Variants in MYO18B observed in about 807,000 individuals in gnomAD.
The protein encoded by MYO18B is unconventional myosin-XVIIIb.
A neutral mutation model predicts 273.0 loss-of-function variants in MYO18B; 204 were observed. That is an observed-to-expected ratio of 0.75 (90% CI 0.67 to 0.84). The LOEUF is 0.84. Ranked by LOEUF, MYO18B falls within the 40% of genes least tolerant of loss-of-function variation. The pLI is 0.00. For missense variants in MYO18B, 3,212 were observed against 3,287.6 expected (o/e 0.98, Z 0.56); for synonymous variants, 1,330 against 1,305.7 (o/e 1.02, Z -0.40).
In MYO18B at chr22:26,026,565, C is replaced by G; in HGVS notation, c.6591C>G (p.Val2197=). 6.2e-7 allele frequency: 1 copy of G among 1,613,942 alleles called. No homozygotes were observed. The highest frequency in any genetic ancestry group is 8.5e-7 in the Non-Finnish European group (1 of 1,179,886). Residue 2197 remains valine (V), a synonymous_variant, in exon 43 of 44, where the codon GTC becomes GTG. Transcript: ENST00000335473. The stretch of plus-strand genomic sequence containing the variant: ...ACAAGCCTGTTTCTCCCCACTTTGT[C>G]CGCCGGCAAAAGTACTGTCATTTTG... ...SGDKPVSPHF[V]RRQKYCHFGD...
chr22:26,024,225 T>A (rs1936068371), intron 42 of MYO18B, among the ~76,000 whole-genome samples: 1 of 152,244 alleles, frequency 6.6e-6, no homozygotes, highest in African/African-American at 2.4e-5. Flanking sequence ...CCATTTATTA[T>A]TGGTTATAAA....
At chr22:25,885,934 C>T (rs763868403) in intron 25 of MYO18B, among the ~76,000 whole-genome samples, 6 of 152,218 alleles carry the variant, frequency 3.9e-5, no homozygotes, top group Non-Finnish European at 7.3e-5. Context: ...CCCATTCCCA[C>T]TGACATCCAG....
At chr22:25,892,411 G>T (rs1014742143) in intron 27 of MYO18B, 1 of 152,226 alleles carries the variant, frequency 6.6e-6, no homozygotes, top group African/African-American at 2.4e-5. Context: ...AGTAGTGCCA[G>T]GAGTTTCTGG....
At chr22:25,969,236 A>T (rs2093010319) in intron 39 of MYO18B, among the ~76,000 whole-genome samples, 1 of 152,204 alleles carries the variant, frequency 6.6e-6, no homozygotes, top group Non-Finnish European at 1.5e-5. Flanking sequence ...TCCCTTGCTT[A>T]TCTCACCTGG....
intron 22 of MYO18B, among the ~76,000 whole-genome samples, chr22:25,869,655 G>A (rs1410462526): frequency 2.0e-5 from 3 of 152,042 alleles, no homozygotes; most frequent in Non-Finnish European, 2.9e-5. Flanking sequence ...GGAGGGTTCT[G>A]CTCTCCAGGA....
chr22:25,914,519 T>C, intron 33 of MYO18B, among the ~76,000 whole-genome samples: 1 of 151,988 alleles, frequency 6.6e-6, no homozygotes, highest in East Asian at 1.9e-4. Flanking sequence ...TCTATCTATA[T>C]TTCAACTAGT....
Position 25,766,450 on chromosome 22 carries a change from C to T in MYO18B, c.199-1665C>T, listed in dbSNP as rs973030088. 2.0e-5 allele frequency among the ~76,000 whole-genome samples: 3 copies of T among 152,140 alleles called. No homozygotes were observed. In the South Asian group the frequency reaches 6.2e-4, roughly 32 times the overall value. ...TAAAACAGGAGAGAGACACAAAAGC[C>T]AGAATGGAACGCAGAAGGTGGCCAC... On this transcript the variant is annotated intron_variant, in intron 3 of 43. Transcript: ENST00000335473.
chr22:25,759,478 A>G (rs771026498), intron 1 of MYO18B, among the ~76,000 whole-genome samples: 12 of 151,644 alleles, frequency 7.9e-5, no homozygotes, highest in Non-Finnish European at 1.5e-4. Context: ...ATGAGAACAC[A>G]TGGACACAGG....
chr22:25,938,024 C>T (rs1215113464), intron 34 of MYO18B, among the ~76,000 whole-genome samples: 1 of 152,166 alleles, frequency 6.6e-6, no homozygotes, highest in Non-Finnish European at 1.5e-5. Context: ...GATGTCAAGG[C>T]CTGGGATGTG....
the MYO18B span, among the ~76,000 whole-genome samples, chr22:26,053,408 T>A: frequency 2.0e-5 from 3 of 152,352 alleles, no homozygotes; most frequent in Admixed American, 6.5e-5. Context: ...TGGTTCAGCA[T>A]TTTTTGCTCC....
chr22:25,896,951 C>T (rs1016663827), intron 28 of MYO18B: 10 of 152,370 alleles, frequency 6.6e-5, no homozygotes, highest in African/African-American at 2.4e-4. Context: ...CAGCCACACT[C>T]AGTTTTTTTT....
chr22:25,759,212 A>C (rs1438369818), intron 1 of MYO18B, among the ~76,000 whole-genome samples: 1 of 152,214 alleles, frequency 6.6e-6, no homozygotes, highest in African/African-American at 2.4e-5. Context: ...AAATCATACT[A>C]CTATAAAGAC....
At chr22:25,786,218 C>T (rs918113443) in intron 11 of MYO18B, among the ~76,000 whole-genome samples, 10 of 152,270 alleles carry the variant, frequency 6.6e-5, no homozygotes, top group South Asian at 2.1e-4. Flanking sequence ...TTCACTTTAG[C>T]AGGAGACACA....
chr22:25,768,963 T>TGAGCCTCAGACCCAGATGGAGAAGAC lies in MYO18B; in HGVS notation c.1048_1073dup (p.Gln360LeufsTer19). 1 of 1,611,210 alleles carries TGAGCCTCAGACCCAGATGGAGAAGAC rather than the reference T, an allele frequency of 6.2e-7. No individual in the cohort carries two copies. Among genetic ancestry groups the TGAGCCTCAGACCCAGATGGAGAAGAC allele is most frequent in the Non-Finnish European group, 8.5e-7 (1 of 1,178,708 alleles). On this transcript the variant is annotated frameshift_variant, in exon 4 of 44. Coordinates refer to ENST00000335473, the MANE Select transcript of MYO18B (RefSeq NM_032608.7). LOFTEE classifies it high-confidence loss of function. Reference sequence around the variant, plus strand: ...TCTTAAGTAAGGCAGAGAAGACAGGTGAGCCTCAGACCCAGATGGAGAAGA... The same window carrying TGAGCCTCAGACCCAGATGGAGAAGAC: ...TCTTAAGTAAGGCAGAGAAGACAGGTGAGCCTCAGACCCAGATGGAGAAGACGAGCCTCAGACCCAGATGGAGAAGA...
chr22:25,838,638 G>A (rs139606890), intron 17 of MYO18B, among the ~76,000 whole-genome samples: 522 of 152,286 alleles, frequency 3.4e-3, no homozygotes, highest in Non-Finnish European at 5.0e-3. Flanking sequence ...TATTCAGTGT[G>A]GTCACATGCT....
Position 25,781,740 on chromosome 22 carries a change from C to T in MYO18B, c.2218C>T (p.Leu740Phe), listed in dbSNP as rs1447034884. The T allele has an allele frequency of 1.9e-6, 3 of 1,562,004 alleles. No individual in the cohort carries two copies. Among genetic ancestry groups the T allele is most frequent in the African/African-American group, 2.7e-5 (2 of 73,564 alleles). Residue 740 changes from leucine (L) to phenylalanine (F), a missense_variant, in exon 10 of 44, where the codon CTT becomes TTT. Leu to Phe is a conservative substitution (Grantham distance 22, BLOSUM62 0). Coordinates refer to ENST00000335473, the MANE Select transcript of MYO18B (RefSeq NM_032608.7). Reference sequence around the variant, plus strand: ...CCCTCTTCTCTCCCTGCAGACAATGCTTTTGGAGAAGAGCCGCGTGGCACG... The same window carrying T: ...CCCTCTTCTCTCCCTGCAGACAATGTTTTTGGAGAAGAGCCGCGTGGCACG... ...RITAAQLQTMLLEKSRVARQP... is the reference protein window; with the variant it reads ...RITAAQLQTMFLEKSRVARQP...
At chr22:25,948,547 C>CCTTCCTTCCTTCCTTCCTTTCT (rs1186465496) in intron 36 of MYO18B, among the ~76,000 whole-genome samples, 1 of 148,960 alleles carries the variant, frequency 6.7e-6, no homozygotes, top group Non-Finnish European at 1.5e-5. Flanking sequence ...TTCCTTCCTT[C>CCTTCCTTCCTTCCTTCCTTTCT]CTTTCTCTTT....
At chr22:25,988,194 G>A (rs903066034) in intron 39 of MYO18B, among the ~76,000 whole-genome samples, 1 of 151,852 alleles carries the variant, frequency 6.6e-6, no homozygotes, top group Admixed American at 6.6e-5. Flanking sequence ...TCTCTGGCTG[G>A]GGCCTTGTAT....
chr22:25,955,735 A>T (rs2092843860), intron 39 of MYO18B, among the ~76,000 whole-genome samples: 1 of 152,194 alleles, frequency 6.6e-6, no homozygotes, highest in Admixed American at 6.5e-5. Context: ...ACCAGGTCTC[A>T]ATATCCATAA....
Sources: gnomAD v4.1 joint callset for allele counts (sites outside exome capture counted in the v4.1 genomes callset) on GRCh38, gnomAD v4.1.1 for gene constraint, MANE v1.5 for transcripts, NCBI Gene and HGNC (gene_info 2026-07-23, HGNC 2026-07-21) for gene names.